Variants in MYO10 observed in about 807,000 individuals in gnomAD.
The protein encoded by MYO10 is unconventional myosin-X.
Under a neutral mutation model 257.3 loss-of-function variants are expected in MYO10, and 133 were observed. That is an observed-to-expected ratio of 0.52 (90% CI 0.45 to 0.60). The LOEUF is 0.60. Among genes scored for constraint, MYO10 ranks in the 20% least tolerant of loss-of-function variants. MYO10 has a pLI of 0.00. For missense variants in MYO10, 2,399 were observed against 2,635.7 expected (o/e 0.91, Z 1.97); for synonymous variants, 1,104 against 1,028.6 (o/e 1.07, Z -1.40).
chr5:16,747,029 T>C (rs911955181), intron 19 of MYO10, among the ~76,000 whole-genome samples: 1 of 152,176 alleles, frequency 6.6e-6, no homozygotes, highest in African/African-American at 2.4e-5. Flanking sequence ...TGTGGGTGAA[T>C]ACCCATTTGG....
chr5:16,879,903 C>T (rs892824616), intron 1 of MYO10, among the ~76,000 whole-genome samples: 8 of 152,188 alleles, frequency 5.3e-5, no homozygotes, highest in Non-Finnish European at 1.0e-4. Flanking sequence ...AGAGGCCGGA[C>T]GTGGTGGCTC....
chr5:16,719,033 C>T (rs1739029059), intron 19 of MYO10, among the ~76,000 whole-genome samples: 1 of 151,270 alleles, frequency 6.6e-6, no homozygotes, highest in South Asian at 2.1e-4. Flanking sequence ...CGCTCGGGTC[C>T]CCTTCCACAC....
chr5:16,779,461 A>C lies in MYO10; in HGVS notation c.930+84T>G, dbSNP rs909240970. On this transcript the variant is annotated intron_variant, in intron 9 of 40. Transcript: ENST00000513610. ...ATTACTTCTATTTCTATTTAAAAAAATCTTTTGAAACCGAAAATGAAATCT... is the reference window on the plus strand; with the variant it reads ...ATTACTTCTATTTCTATTTAAAAAACTCTTTTGAAACCGAAAATGAAATCT... 3.9e-6 allele frequency: 3 copies of C among 763,080 alleles called. No homozygotes were observed. In the African/African-American group the frequency reaches 5.5e-5, roughly 14 times the overall value. 47.3% of individuals were successfully genotyped at this position (763,080 alleles called of 1,614,324 possible). A position where few individuals can be genotyped will look rare whatever the true frequency, so the allele number is the denominator to read the frequency against.
chr5:16,817,657 C>G (rs1742664772), intron 3 of MYO10, among the ~76,000 whole-genome samples: 1 of 152,142 alleles, frequency 6.6e-6, no homozygotes. Flanking sequence ...GTACTCATGT[C>G]CACAAGTCAA....
intron 2 of MYO10, among the ~76,000 whole-genome samples, chr5:16,847,903 A>G (rs1177753083): frequency 6.6e-6 from 1 of 152,212 alleles, no homozygotes; most frequent in East Asian, 1.9e-4. Flanking sequence ...TCTCTAAAAA[A>G]ATAATAAAGT....
At chr5:16,791,258 C>T (rs1394819945) in intron 4 of MYO10, among the ~76,000 whole-genome samples, 1 of 152,132 alleles carries the variant, frequency 6.6e-6, no homozygotes, top group Non-Finnish European at 1.5e-5. Flanking sequence ...CTAAACAGGG[C>T]TCCTACGTCC....
At chr5:16,902,116 G>C (rs776027313) in intron 1 of MYO10, among the ~76,000 whole-genome samples, 9 of 151,922 alleles carry the variant, frequency 5.9e-5, no homozygotes, top group Non-Finnish European at 1.3e-4. Context: ...CGCAATATGG[G>C]CTCACTGCAA....
At chr5:16,877,794 T>A (rs906863235) in intron 1 of MYO10, 87 bp from the exon 2 acceptor site, 2 of 935,884 alleles carry the variant, frequency 2.1e-6, no homozygotes, top group Admixed American at 4.9e-5. Flanking sequence ...AACTCCTATA[T>A]TCCTTTAAAA....
chr5:16,738,300 G>A, intron 19 of MYO10: 1 of 985,544 alleles, frequency 1.0e-6, no homozygotes. Flanking sequence ...CAGTGTCCCA[G>A]GCCTGGGAGC....
In MYO10 at chr5:16,869,191, ATTT is replaced by A. The variant is rs70943814; in HGVS notation, c.120+8415_120+8417del. On this transcript the variant is annotated intron_variant, in intron 2 of 40. Coordinates refer to ENST00000513610, the MANE Select transcript of MYO10 (RefSeq NM_012334.3). ...AGGCACCCACCACCACACCCGGCTA[ATTT>A]TTTTTTTTTTTTTTTTTTGTATTTT... Among the ~76,000 whole-genome samples, 14 of 115,856 alleles carry A rather than the reference ATTT, an allele frequency of 1.2e-4. No homozygotes were observed. In the South Asian group the frequency reaches 2.8e-3, roughly 23 times the overall value. The allele number at this position is 115,856 out of a possible 152,430, so 76.0% of individuals were successfully genotyped here. A position where few individuals can be genotyped will look rare whatever the true frequency, so the allele number is the denominator to read the frequency against.
At chr5:16,859,670 C>T (rs1744056202) in intron 2 of MYO10, among the ~76,000 whole-genome samples, 1 of 152,144 alleles carries the variant, frequency 6.6e-6, no homozygotes. Context: ...TCACTGAAAC[C>T]CAGGAATCTG....
At chr5:16,833,833 T>G (rs1471774114) in intron 2 of MYO10, among the ~76,000 whole-genome samples, 2 of 152,200 alleles carry the variant, frequency 1.3e-5, no homozygotes, top group African/African-American at 4.8e-5. Context: ...ATCATGCACA[T>G]AAGTATTGTA....
Position 16,702,988 on chromosome 5 carries a change from C to T in MYO10, c.2447G>A (p.Arg816Lys). 6.4e-7 allele frequency: 1 copy of T among 1,552,120 alleles called. No homozygotes were observed. Among genetic ancestry groups the T allele is most frequent in the African/African-American group, 1.4e-5 (1 of 73,106 alleles). The stretch of plus-strand genomic sequence containing the variant: ...CTGTTTCTTCTTTTCTTCTTGCTCC[C>T]TTTTCTCTGCCAGCAATTGTCTGTA... ...RVYRQLLAEKREQEEKKKQEE... is the reference protein window; with the variant it reads ...RVYRQLLAEKKEQEEKKKQEE... The change falls in exon 23 of 41, where the codon AGG (arginine) becomes AAG (lysine). Residue 816 changes from arginine to lysine, a missense_variant. Physicochemically the swap from Arg to Lys is conservative, Grantham distance 26 (BLOSUM62 2). This residue lies in a region of MYO10 where 1,820 missense variants were observed against 1,939.4 expected (regional missense o/e 0.94). Coordinates refer to ENST00000513610, the MANE Select transcript of MYO10 (RefSeq NM_012334.3).
At chr5:16,679,189 T>C (rs111946367) in intron 33 of MYO10, among the ~76,000 whole-genome samples, 3 of 152,314 alleles carry the variant, frequency 2.0e-5, no homozygotes, top group African/African-American at 7.2e-5. Context: ...CTGGGCTCCT[T>C]GGGAATTCAC....
chr5:16,794,782 C>A lies in MYO10; in HGVS notation c.331G>T (p.Gly111Trp). ...ASVNPYQPIA[G>W]LYEPATMEQY... The stretch of plus-strand genomic sequence containing the variant: ...TCCATGGTGGCAGGCTCGTACAGCC[C>A]GGCGATGGGCTGGTAGGGGTTCACG... Residue 111 changes from glycine to tryptophan, a missense_variant, in exon 4 of 41, where the codon GGG becomes TGG. Gly to Trp is a radical substitution (Grantham distance 184). Transcript: ENST00000513610. 6.3e-7 allele frequency: 1 copy of A among 1,599,952 alleles called. No individual in the cohort carries two copies. The highest frequency in any genetic ancestry group is 2.3e-5 in the East Asian group (1 of 44,000).
chr5:16,754,982 T>C, intron 18 of MYO10, 74 bp from the exon 19 acceptor site: 1 of 913,530 alleles, frequency 1.1e-6, no homozygotes, highest in Non-Finnish European at 1.6e-6. Context: ...TCTAGGCACT[T>C]AGAAACAATA....
chr5:16,772,917 G>C (rs1001627518), intron 9 of MYO10, among the ~76,000 whole-genome samples: 1 of 152,154 alleles, frequency 6.6e-6, no homozygotes. Flanking sequence ...GCCAGGTGTG[G>C]GGGGGTTGGG....
chr5:16,842,063 G>A (rs1743498617), intron 2 of MYO10, among the ~76,000 whole-genome samples: 1 of 152,066 alleles, frequency 6.6e-6, no homozygotes, highest in Admixed American at 6.6e-5. Flanking sequence ...AAAAGCAGGT[G>A]GCACAGATAT....
intron 2 of MYO10, among the ~76,000 whole-genome samples, chr5:16,821,269 G>A (rs1283435577): frequency 6.7e-6 from 1 of 148,502 alleles, no homozygotes; most frequent in Non-Finnish European, 1.5e-5. Context: ...TACCTCCTAT[G>A]TGTACATCCT....
Sources: allele counts gnomAD v4.1 joint callset (sites outside exome capture counted in the v4.1 genomes callset), GRCh38; gene constraint gnomAD v4.1.1; regional missense constraint gnomAD v4.1.1; transcripts MANE v1.5; gene names NCBI Gene and HGNC (gene_info 2026-07-23, HGNC 2026-07-21).